The following ERH variants were observed in gnomAD, a reference collection of about 807,000 sequenced individuals.
The protein encoded by ERH is enhancer of rudimentary homolog.
A neutral mutation model predicts 16.8 loss-of-function variants in ERH; 1 was observed. That is an observed-to-expected ratio of 0.06 (90% CI 0.02 to 0.28). ERH has a LOEUF of 0.28. Among genes scored for constraint, ERH ranks in the 10% least tolerant of loss-of-function variants. The pLI, the probability that ERH is intolerant of heterozygous loss-of-function variation, is 1.00. For missense variants in ERH, 42 were observed against 127.5 expected, an observed-to-expected ratio of 0.33 and a Z score of 3.23; for synonymous variants, 43 against 43.6, an observed-to-expected ratio of 0.99 and a Z score of 0.05.
chr14:69,393,841 G>A (rs1391009216), intron 2 of ERH, among the ~76,000 whole-genome samples: 1 of 152,122 alleles, frequency 6.6e-6, no homozygotes, highest in Non-Finnish European at 1.5e-5. Flanking sequence ...GTGCAACACA[G>A]TGACCCCATC....
chr14:69,386,771 AT>A (rs2045895848), intron 3 of ERH, 191 bp downstream of exon 3: 4 of 477,434 alleles, frequency 8.4e-6, no homozygotes, highest in Non-Finnish European at 1.4e-5. Flanking sequence ...TAGCAAAGTT[AT>A]TTTTTTCTGT....
At chr14:69,394,284 G>C (rs1882284472) in intron 2 of ERH, among the ~76,000 whole-genome samples, 1 of 150,724 alleles carries the variant, frequency 6.6e-6, no homozygotes, top group Non-Finnish European at 1.5e-5. Context: ...ATATACATTA[G>C]TTTAAAAAAA....
intron 3 of ERH, among the ~76,000 whole-genome samples, chr14:69,385,287 C>T (rs184895299): frequency 2.6e-5 from 4 of 152,294 alleles, no homozygotes; most frequent in African/African-American, 7.2e-5. Flanking sequence ...CTTTGGAGGA[C>T]ACTTAATGCA....
At chr14:69,394,510 A>C (rs1052848472) in intron 2 of ERH, among the ~76,000 whole-genome samples, 5 of 152,172 alleles carry the variant, frequency 3.3e-5, no homozygotes, top group African/African-American at 1.2e-4. Flanking sequence ...GCACAAGAGA[A>C]TCACTTGAAC....
At chr14:69,386,807 T>C in intron 3 of ERH, 156 bp downstream of exon 3, 1 of 602,078 alleles carries the variant, frequency 1.7e-6, no homozygotes. Flanking sequence ...GTTGCCAATC[T>C]CTTATTTCTG....
chr14:69,397,892 T>C, intron 1 of ERH: 1 of 449,698 alleles, frequency 2.2e-6, no homozygotes, highest in South Asian at 2.5e-5. Context: ...CACTCCAGCC[T>C]GGGCGATAGA....
At chr14:69,396,979 T>C (rs536126007) in intron 1 of ERH, among the ~76,000 whole-genome samples, 4 of 152,320 alleles carry the variant, frequency 2.6e-5, no homozygotes, top group African/African-American at 9.6e-5. Context: ...ACACTAGCTA[T>C]CTCAACTGCT....
At chr14:69,391,888 T>C (rs956871332) in intron 2 of ERH, among the ~76,000 whole-genome samples, 3 of 152,044 alleles carry the variant, frequency 2.0e-5, no homozygotes, top group Non-Finnish European at 4.4e-5. Context: ...ATACACGTAA[T>C]TATACATGTC....
intron 2 of ERH, among the ~76,000 whole-genome samples, chr14:69,394,282 T>A (rs1464488321): frequency 6.6e-6 from 1 of 151,752 alleles, no homozygotes; most frequent in African/African-American, 2.4e-5. Flanking sequence ...TTATATACAT[T>A]AGTTTAAAAA....
At chr14:69,392,846 C>G (rs1012065146) in intron 2 of ERH, among the ~76,000 whole-genome samples, 1 of 152,156 alleles carries the variant, frequency 6.6e-6, no homozygotes, top group Non-Finnish European at 1.5e-5. Flanking sequence ...AACCCTGAAA[C>G]TGCCCTGAGA....
chr14:69,393,082 C>T (rs1436748935), intron 2 of ERH, among the ~76,000 whole-genome samples: 5 of 152,086 alleles, frequency 3.3e-5, no homozygotes, highest in African/African-American at 1.2e-4. Flanking sequence ...TTTGGGAAGC[C>T]GAGGTGGGTG....
rs778517194 is a variant in ERH, at chr14:69,380,520, C to G, written c.*18G>C. Reference sequence around the variant, plus strand: ...GTGTTCCAAGCCCACCCCAACCCCCCCAGTGCTTCCAACACAATTATTTCC... The same window carrying G: ...GTGTTCCAAGCCCACCCCAACCCCCGCAGTGCTTCCAACACAATTATTTCC... On this transcript the variant is annotated 3_prime_UTR_variant, in exon 4 of 4. Coordinates refer to ENST00000557016, the MANE Select transcript of ERH (RefSeq NM_004450.3). 6 of 1,366,674 alleles carry G rather than the reference C, an allele frequency of 4.4e-6. No individual in the cohort carries two copies. Among genetic ancestry groups the G allele is most frequent in the South Asian group, 1.2e-5 (1 of 86,140 alleles). The allele number at this position is 1,366,674 out of a possible 1,614,324, so 84.7% of individuals were successfully genotyped here. A position where few individuals can be genotyped will look rare whatever the true frequency, so the allele number is the denominator to read the frequency against.
chr14:69,389,343 G>C (rs534906768), intron 2 of ERH, among the ~76,000 whole-genome samples: 1 of 152,276 alleles, frequency 6.6e-6, no homozygotes, highest in Admixed American at 6.5e-5. Context: ...ATACTTAATG[G>C]TTAAAGACGG....
intron 3 of ERH, among the ~76,000 whole-genome samples, chr14:69,381,511 A>G (rs1222706346): frequency 2.0e-5 from 3 of 152,212 alleles, no homozygotes; most frequent in African/African-American, 7.2e-5. Context: ...ATCTCTAATC[A>G]GAACGAAAAG....
At chr14:69,395,291 T>C (rs1882310659) in intron 1 of ERH, among the ~76,000 whole-genome samples, 1 of 151,902 alleles carries the variant, frequency 6.6e-6, no homozygotes, top group African/African-American at 2.4e-5. Context: ...AGGCCCTATC[T>C]CTTAAAAGAA....
At chr14:69,390,859 A>G (rs757144821) in intron 2 of ERH, among the ~76,000 whole-genome samples, 8 of 152,252 alleles carry the variant, frequency 5.3e-5, no homozygotes, top group Non-Finnish European at 1.0e-4. Context: ...AGATCTGGAT[A>G]CCTCAATAAA....
chr14:69,393,817 T>C (rs565801779), intron 2 of ERH, among the ~76,000 whole-genome samples: 2 of 152,170 alleles, frequency 1.3e-5, no homozygotes, highest in African/African-American at 4.8e-5. Flanking sequence ...AGGCTAGAAG[T>C]CTGAGACCAA....
chr14:69,387,101 A>C lies in ERH; in HGVS notation c.92-18T>G. 6.2e-7 allele frequency: 1 copy of C among 1,610,696 alleles called. No homozygotes were observed. Among genetic ancestry groups the C allele is most frequent in the Non-Finnish European group, 8.5e-7 (1 of 1,178,116 alleles). ...ACAAACACCTAAGAAAGGATAGGAA[A>C]AAAAGCAAAATCTTACAATCGCATA... On this transcript the variant is annotated intron_variant, in intron 2 of 3. Transcript: ENST00000557016.
At chr14:69,383,137 A>C (rs930914137) in intron 3 of ERH, among the ~76,000 whole-genome samples, 1 of 152,254 alleles carries the variant, frequency 6.6e-6, no homozygotes, top group Non-Finnish European at 1.5e-5. Flanking sequence ...CATTATTTTC[A>C]TCTTACAAAA....
Sources: gnomAD v4.1 joint callset for allele counts (sites outside exome capture counted in the v4.1 genomes callset) on GRCh38, gnomAD v4.1.1 for gene constraint, MANE v1.5 for transcripts, NCBI Gene and HGNC (gene_info 2026-07-23, HGNC 2026-07-21) for gene names.